Variants in LDLRAD3 observed in about 807,000 individuals in gnomAD.
LDLRAD3 encodes the protein low-density lipoprotein receptor class A domain-containing protein 3.
In LDLRAD3, 20 loss-of-function variants were observed where a neutral mutation model predicts 29.4. The observed-to-expected ratio is 0.68, with a 90% CI of 0.48 to 0.99. LDLRAD3 has a LOEUF of 0.99. Ranked by LOEUF, LDLRAD3 falls within the 50% of genes least tolerant of loss-of-function variation. The pLI is 0.00. For synonymous variants in LDLRAD3, 157 were observed against 192.7 expected (o/e 0.81, Z 1.53); for missense variants, 420 against 454.3 (o/e 0.92, Z 0.69).
At chr11:36,088,355 G>T (rs1199108261) in intron 3 of LDLRAD3, among the ~76,000 whole-genome samples, 2 of 152,134 alleles carry the variant, frequency 1.3e-5, no homozygotes, top group Non-Finnish European at 2.9e-5. Flanking sequence ...CTCCAGCCAA[G>T]AACTGAAACG....
rs559303415 is a variant in LDLRAD3, at chr11:36,159,785, CAG to C, written c.454+61325_454+61326del. Among the ~76,000 whole-genome samples, 397 of 151,760 alleles carry C rather than the reference CAG, an allele frequency of 2.6e-3. 1 individual carries two copies. The highest frequency in any genetic ancestry group is 6.1e-3 in the South Asian group (29 of 4,764). On this transcript the variant is annotated intron_variant, in intron 4 of 5. Coordinates refer to ENST00000315571, the MANE Select transcript of LDLRAD3 (RefSeq NM_174902.4). ...AGGCCCTCAAAAAAAAAGGAGAACT[CAG>C]GGGACAAGAATCAAGGTGGCAAAGG...
At chr11:36,003,482 C>A (rs752886009) in intron 1 of LDLRAD3, among the ~76,000 whole-genome samples, 1 of 152,108 alleles carries the variant, frequency 6.6e-6, no homozygotes, top group Non-Finnish European at 1.5e-5. Flanking sequence ...TAGGGTCTTA[C>A]AGCAAAAATG....
Position 35,974,590 on chromosome 11 carries a change from G to A in LDLRAD3, c.46+30446G>A, listed in dbSNP as rs184783641. 1.0e-3 allele frequency among the ~76,000 whole-genome samples: 153 copies of A among 152,310 alleles called. 1 individual carries two copies. The highest frequency in any genetic ancestry group is 1.8e-3 in the Non-Finnish European group (121 of 68,030). ...ATTCAATTCTTAGCTCAGGTTATTA[G>A]CAAAATTCATTTCCTTGCAGACAGC... On this transcript the variant is annotated intron_variant, in intron 1 of 5. Coordinates refer to ENST00000315571, the MANE Select transcript of LDLRAD3 (RefSeq NM_174902.4).
intron 1 of LDLRAD3, among the ~76,000 whole-genome samples, chr11:35,954,396 A>AT (rs1359472974): frequency 5.3e-5 from 8 of 152,200 alleles, no homozygotes; most frequent in African/African-American, 1.7e-4. Flanking sequence ...CTAAAGCTCC[A>AT]TGAGGTGGGA....
chr11:36,040,229 G>A (rs117156586), intron 2 of LDLRAD3, among the ~76,000 whole-genome samples: 3,187 of 152,228 alleles, frequency 0.021, 74 homozygotes, highest in East Asian at 0.087. Flanking sequence ...GGTGTGTCAT[G>A]GTGGGATATG....
chr11:36,196,178 T>C (rs1590347480), intron 4 of LDLRAD3: 1 of 152,254 alleles, frequency 6.6e-6, no homozygotes, highest in Non-Finnish European at 1.5e-5. Context: ...AGTTATCTAA[T>C]ATCTTTGGCA....
intron 2 of LDLRAD3, among the ~76,000 whole-genome samples, chr11:36,044,731 T>C (rs577349395): frequency 6.6e-6 from 1 of 152,270 alleles, no homozygotes; most frequent in East Asian, 1.9e-4. Flanking sequence ...AAACAAACAT[T>C]TGAGGGGCTG....
At chr11:35,990,474 G>A (rs1851674082) in intron 1 of LDLRAD3, among the ~76,000 whole-genome samples, 1 of 151,874 alleles carries the variant, frequency 6.6e-6, no homozygotes, top group South Asian at 2.1e-4. Flanking sequence ...CTGGAGTTCA[G>A]TGGCGTGATC....
intron 1 of LDLRAD3, among the ~76,000 whole-genome samples, chr11:35,984,428 C>T (rs961348143): frequency 5.9e-5 from 9 of 152,126 alleles, no homozygotes; most frequent in African/African-American, 1.9e-4. Context: ...CTGGGAGTCC[C>T]ACAGTCTAAG....
At chr11:36,067,821 C>T (rs1001931981) in intron 2 of LDLRAD3, among the ~76,000 whole-genome samples, 3 of 152,130 alleles carry the variant, frequency 2.0e-5, no homozygotes, top group Non-Finnish European at 4.4e-5. Flanking sequence ...CAGGCGTGTG[C>T]CTGGCTAAAT....
chr11:36,015,544 T>C (rs1852011588), intron 1 of LDLRAD3, among the ~76,000 whole-genome samples: 1 of 152,084 alleles, frequency 6.6e-6, no homozygotes, highest in Non-Finnish European at 1.5e-5. Context: ...AGATGTTAAC[T>C]GGGGAGCTCT....
intron 1 of LDLRAD3, among the ~76,000 whole-genome samples, chr11:36,004,807 T>G (rs1185212683): frequency 6.6e-6 from 1 of 152,220 alleles, no homozygotes; most frequent in Non-Finnish European, 1.5e-5. Flanking sequence ...ACTCTTGCCT[T>G]CTGTGCACCC....
At chr11:36,098,226 C>A in intron 3 of LDLRAD3, 101 bp from the exon 4 acceptor site, 1 of 1,410,422 alleles carries the variant, frequency 7.1e-7, no homozygotes, top group Non-Finnish European at 9.8e-7. Context: ...GATAAGCTTA[C>A]TGCTTCCTGA....
chr11:36,199,566 T>TACACACACACAC lies in LDLRAD3; in HGVS notation c.455-27508_455-27497dup, dbSNP rs57161243. Reference sequence around the variant, plus strand: ...TAGGAGTAGCAGGAAGCTGTGGTTCTACACACACACACACACACACACGCA... The same window carrying TACACACACACAC: ...TAGGAGTAGCAGGAAGCTGTGGTTCTACACACACACACACACACACACACACACACACACGCA... On this transcript the variant is annotated intron_variant, in intron 4 of 5. Coordinates refer to ENST00000315571, the MANE Select transcript of LDLRAD3 (RefSeq NM_174902.4). Among the ~76,000 whole-genome samples, 915 of 150,074 alleles carry TACACACACACAC rather than the reference T, an allele frequency of 6.1e-3. 6 individuals carry two copies. Among genetic ancestry groups the TACACACACACAC allele is most frequent in the African/African-American group, 8.1e-3 (333 of 40,970 alleles).
In LDLRAD3 at chr11:36,144,793, C is replaced by T. The variant is rs531171769; in HGVS notation, c.454+46332C>T. On this transcript the variant is annotated intron_variant, in intron 4 of 5. Coordinates refer to ENST00000315571, the MANE Select transcript of LDLRAD3 (RefSeq NM_174902.4). ...CCCCCGCCCGGCCAGCCGCCCCGTC[C>T]GGGAGGGAGGTGGGGGGGTCAGCCC... Among the ~76,000 whole-genome samples the T allele has an allele frequency of 1.8e-3, 226 of 128,174 alleles. 1 individual carries two copies. Among genetic ancestry groups the T allele is most frequent in the Non-Finnish European group, 3.0e-3 (183 of 61,284 alleles). The allele number at this position is 128,174 out of a possible 152,430, so 84.1% of individuals were successfully genotyped here.
chr11:36,026,565 G>A (rs1334700975), intron 1 of LDLRAD3, among the ~76,000 whole-genome samples: 1 of 152,216 alleles, frequency 6.6e-6, no homozygotes, highest in African/African-American at 2.4e-5. Flanking sequence ...GGATGAGATA[G>A]GAGGTCAGTA....
At chr11:36,119,635 T>C (rs1853725318) in intron 4 of LDLRAD3, among the ~76,000 whole-genome samples, 1 of 152,166 alleles carries the variant, frequency 6.6e-6, no homozygotes, top group Non-Finnish European at 1.5e-5. Context: ...TTGTATGCTT[T>C]CTTGTGAGAA....
At chr11:36,203,235 TGAGATTACAGGTGTGAGC>T (rs1855153459) in intron 4 of LDLRAD3, among the ~76,000 whole-genome samples, 1 of 152,156 alleles carries the variant, frequency 6.6e-6, no homozygotes, top group Non-Finnish European at 1.5e-5. Context: ...CCAAAAGTGC[TGAGATTACAGGTGTGAGC>T]CCCCGCGTCC....
At chr11:36,040,157 G>T (rs1192427248) in intron 2 of LDLRAD3, among the ~76,000 whole-genome samples, 1 of 101,032 alleles carries the variant, frequency 9.9e-6, no homozygotes, top group Non-Finnish European at 2.0e-5. Flanking sequence ...GCATTGGAAA[G>T]ATAATACGCT....
Sources: allele counts gnomAD v4.1 joint callset (sites outside exome capture counted in the v4.1 genomes callset), GRCh38; gene constraint gnomAD v4.1.1; transcripts MANE v1.5; gene names NCBI Gene and HGNC (gene_info 2026-07-23, HGNC 2026-07-21).